Variants in ZNF609 observed in about 807,000 individuals in gnomAD.
The protein encoded by ZNF609 is zinc finger protein 609.
A neutral mutation model predicts 109.5 loss-of-function variants in ZNF609; 11 were observed. That is an observed-to-expected ratio of 0.10 (90% CI 0.06 to 0.17). The LOEUF is 0.17. Among genes scored for constraint, ZNF609 ranks in the 10% least tolerant of loss-of-function variants. ZNF609 has a pLI of 1.00. For missense variants in ZNF609, 1,559 were observed against 1,772.4 expected, an observed-to-expected ratio of 0.88 and a Z score of 2.16; for synonymous variants, 646 against 662.0, an observed-to-expected ratio of 0.98 and a Z score of 0.37.
chr15:64,507,951 G>A (rs1893661338), intron 2 of ZNF609, among the ~76,000 whole-genome samples: 2 of 152,108 alleles, frequency 1.3e-5, no homozygotes, highest in South Asian at 2.1e-4. Context: ...AACCTTTCCT[G>A]GCTGACCGAG....
At chr15:64,641,311 A>T (rs1407266305) in intron 3 of ZNF609, among the ~76,000 whole-genome samples, 1 of 132,976 alleles carries the variant, frequency 7.5e-6, no homozygotes, top group Non-Finnish European at 1.5e-5. Flanking sequence ...TCTGCCTCCC[A>T]GGTTCAAGCA....
intron 3 of ZNF609, among the ~76,000 whole-genome samples, chr15:64,634,899 A>C (rs1306205356): frequency 1.3e-5 from 2 of 152,002 alleles, no homozygotes; most frequent in African/African-American, 4.8e-5. Context: ...CCCACCAAAA[A>C]CAACAGCCAA....
chr15:64,632,828 GCAGTGGTGTGAT>G (rs66502268), intron 3 of ZNF609, among the ~76,000 whole-genome samples: 9,096 of 140,336 alleles, frequency 0.065, 348 homozygotes, highest in African/African-American at 0.14. Flanking sequence ...AGGCTGGAGT[GCAGTGGTGTGAT>G]CAGTGGTGTG....
intron 3 of ZNF609, among the ~76,000 whole-genome samples, chr15:64,629,408 AAG>A (rs1166944921): frequency 6.6e-6 from 1 of 152,226 alleles, no homozygotes; most frequent in Non-Finnish European, 1.5e-5. Context: ...GATTTAATAT[AAG>A]AGAATTTGGA....
intron 3 of ZNF609, among the ~76,000 whole-genome samples, chr15:64,666,209 C>T (rs951546172): frequency 6.6e-6 from 1 of 151,744 alleles, no homozygotes; most frequent in Admixed American, 6.6e-5. Flanking sequence ...GCCTGGCCAA[C>T]ATGGTATAAC....
chr15:64,499,322 A>G lies in ZNF609; in HGVS notation c.-98A>G. On this transcript the variant is annotated 5_prime_UTR_variant, in exon 2 of 10. An upstream open reading frame in the 5' UTR loses its in-frame stop. Transcript: ENST00000326648. The stretch of plus-strand genomic sequence containing the variant: ...GATGTTGTCCACTGGGCATGTACTG[A>G]CCAATGTGGCAGGTCTGAGAACATA... The G allele has an allele frequency of 6.7e-7, 1 of 1,490,158 alleles. No individual in the cohort carries two copies. Among genetic ancestry groups the G allele is most frequent in the Non-Finnish European group, 9.1e-7 (1 of 1,103,980 alleles). 92.3% of individuals were successfully genotyped at this position (1,490,158 alleles called of 1,614,324 possible). A position where few individuals can be genotyped will look rare whatever the true frequency, so the allele number is the denominator to read the frequency against.
intron 5 of ZNF609, among the ~76,000 whole-genome samples, chr15:64,676,736 TTTTTA>T (rs879417827): frequency 5.9e-5 from 9 of 151,370 alleles, no homozygotes; most frequent in Non-Finnish European, 7.4e-5. Flanking sequence ...ACCCAGCCAA[TTTTTA>T]TTTTATTTTA....
intron 2 of ZNF609, among the ~76,000 whole-genome samples, chr15:64,614,176 C>A (rs954928168): frequency 2.0e-5 from 3 of 152,008 alleles, no homozygotes; most frequent in Admixed American, 6.6e-5. Flanking sequence ...CCACCTTGGA[C>A]TCCCAAAGTG....
intron 2 of ZNF609, chr15:64,529,534 A>T (rs1368560671): frequency 8.2e-6 from 10 of 1,217,168 alleles, no homozygotes; most frequent in Non-Finnish European, 1.2e-5. Flanking sequence ...ATACAGGAAC[A>T]TGTAGACCAT....
intron 2 of ZNF609, among the ~76,000 whole-genome samples, chr15:64,563,773 TCAAAA>T (rs370070824): frequency 0.028 from 4,166 of 151,242 alleles, 152 homozygotes; most frequent in African/African-American, 0.08. Flanking sequence ...AAACTCTGTC[TCAAAA>T]CAAAACAAAA....
At chr15:64,505,864 G>A (rs913816751) in intron 2 of ZNF609, among the ~76,000 whole-genome samples, 5 of 152,040 alleles carry the variant, frequency 3.3e-5, no homozygotes, top group African/African-American at 9.7e-5. Flanking sequence ...GGCTAAAAGC[G>A]TAAACTCTAG....
Position 64,675,800 on chromosome 15 carries a change from C to A in ZNF609, c.2946C>A (p.Pro982=). ...LYYNQYAYVP[P]YGYSDQSYHT... is the part of the protein sequence containing the mutation. Reference sequence around the variant, plus strand: ...ACAACCAGTATGCCTATGTACCCCCCTATGGCTACAGCGACCAGAGTTACC... The same window carrying A: ...ACAACCAGTATGCCTATGTACCCCCATATGGCTACAGCGACCAGAGTTACC... Residue 982 remains proline, a synonymous_variant, in exon 5 of 10, where the codon CCC becomes CCA. Coordinates refer to ENST00000326648, the MANE Select transcript of ZNF609 (RefSeq NM_015042.2). 1 of 1,614,212 alleles carries A rather than the reference C, an allele frequency of 6.2e-7. No homozygotes were observed.
chr15:64,675,522 C>A lies in ZNF609; in HGVS notation c.2668C>A (p.Pro890Thr), dbSNP rs957674411. ...CCCTCAGCCTCAGAGCAAAGACTCA[C>A]CATATTACCAAGGCTTTGAGAGTTA... ...FPPQPQSKDS[P>T]YYQGFESYYS... is the part of the protein sequence containing the mutation. The change falls in exon 5 of 10, where the codon CCA (proline) becomes ACA (threonine). Residue 890 changes from proline (P) to threonine (T), a missense_variant. Transcript: ENST00000326648. 38 of 1,614,056 alleles carry A rather than the reference C, an allele frequency of 2.4e-5. No homozygotes were observed. Among genetic ancestry groups the A allele is most frequent in the Non-Finnish European group, 3.2e-5 (38 of 1,180,054 alleles).
intron 3 of ZNF609, among the ~76,000 whole-genome samples, chr15:64,633,480 G>C (rs1247986557): frequency 6.6e-6 from 1 of 151,938 alleles, no homozygotes; most frequent in Non-Finnish European, 1.5e-5. Context: ...AGATCTCACT[G>C]TGTTGCTCAG....
chr15:64,583,426 T>A (rs1322092660), intron 2 of ZNF609, among the ~76,000 whole-genome samples: 1 of 152,046 alleles, frequency 6.6e-6, no homozygotes, highest in Non-Finnish European at 1.5e-5. Flanking sequence ...GAAGCTCTGT[T>A]TTCATTGGTG....
chr15:64,534,854 GA>G (rs1894115659), intron 2 of ZNF609, among the ~76,000 whole-genome samples: 1 of 151,992 alleles, frequency 6.6e-6, no homozygotes, highest in Non-Finnish European at 1.5e-5. Context: ...CCAACGTGGT[GA>G]AACCCTATCT....
At chr15:64,527,576 A>G (rs1413178292) in intron 2 of ZNF609, among the ~76,000 whole-genome samples, 1 of 152,172 alleles carries the variant, frequency 6.6e-6, no homozygotes, top group Non-Finnish European at 1.5e-5. Context: ...GTTGCCTAAC[A>G]GATTTCCTTG....
chr15:64,504,733 G>A (rs532715667), intron 2 of ZNF609, among the ~76,000 whole-genome samples: 5 of 151,600 alleles, frequency 3.3e-5, no homozygotes, highest in East Asian at 1.9e-4. Flanking sequence ...CACCTGCTTC[G>A]GCCTCCCAGA....
chr15:64,612,092 T>TTTA (rs1895725161), intron 2 of ZNF609, among the ~76,000 whole-genome samples: 1 of 151,712 alleles, frequency 6.6e-6, no homozygotes, highest in Non-Finnish European at 1.5e-5. Flanking sequence ...CTTGAGTAGG[T>TTTA]ACTGATTGGT....
Sources: gnomAD v4.1 joint callset for allele counts (sites outside exome capture counted in the v4.1 genomes callset) on GRCh38, gnomAD v4.1.1 for gene constraint, MANE v1.5 for transcripts, NCBI Gene and HGNC (gene_info 2026-07-23, HGNC 2026-07-21) for gene names.